CHRM3: variants seen among roughly 807,000 people sequenced by gnomAD.
The protein encoded by CHRM3 is muscarinic acetylcholine receptor M3.
Under a neutral mutation model 41.8 loss-of-function variants are expected in CHRM3, and 11 were observed. The observed-to-expected ratio is 0.26, with a 90% confidence interval of 0.17 to 0.44. The LOEUF is 0.44. Among genes scored for constraint, CHRM3 ranks in the 20% least tolerant of loss-of-function variants. The pLI is 1.00. For missense variants in CHRM3, 571 were observed against 745.4 expected (o/e 0.77, Z 2.72); for synonymous variants, 297 against 301.4 (o/e 0.99, Z 0.15).
chr1:239,761,642 G>A (rs1666784972), intron 5 of CHRM3, among the ~76,000 whole-genome samples: 1 of 152,154 alleles, frequency 6.6e-6, no homozygotes, highest in Admixed American at 6.5e-5. Context: ...ATATGCTTCG[G>A]AGTGCTCGGC....
intron 3 of CHRM3, among the ~76,000 whole-genome samples, chr1:239,606,929 G>C (rs563559634): frequency 6.6e-6 from 1 of 152,186 alleles, no homozygotes; most frequent in South Asian, 2.1e-4. Flanking sequence ...GCCCTGAAAG[G>C]GGGCCTATGT....
intron 2 of CHRM3, among the ~76,000 whole-genome samples, chr1:239,518,676 G>A (rs953373628): frequency 1.3e-5 from 2 of 152,180 alleles, no homozygotes; most frequent in African/African-American, 4.8e-5. Flanking sequence ...TTCAGGTCAT[G>A]ATAGGAAAAT....
intron 3 of CHRM3, among the ~76,000 whole-genome samples, chr1:239,602,090 A>ATGTGTGTG (rs1553337601): frequency 0.013 from 1,646 of 131,164 alleles, 19 homozygotes; most frequent in Admixed American, 0.036. Flanking sequence ...ACATATATAC[A>ATGTGTGTG]TGTGTGTGTG....
chr1:239,469,715 C>T (rs551631789), intron 1 of CHRM3, among the ~76,000 whole-genome samples: 71 of 152,234 alleles, frequency 4.7e-4, no homozygotes, highest in Non-Finnish European at 9.3e-4. Flanking sequence ...CACCATCACG[C>T]CCAGCTAATT....
chr1:239,766,121 A>G (rs755645362), intron 5 of CHRM3, among the ~76,000 whole-genome samples: 1 of 151,978 alleles, frequency 6.6e-6, no homozygotes, highest in Non-Finnish European at 1.5e-5. Context: ...GCCATGCATG[A>G]GTATTTTCTT....
chr1:239,639,161 CT>C (rs1670816448), intron 4 of CHRM3, among the ~76,000 whole-genome samples: 1 of 152,084 alleles, frequency 6.6e-6, no homozygotes, highest in South Asian at 2.1e-4. Context: ...GTTTTGGTTA[CT>C]GTAGCCTTGT....
intron 5 of CHRM3, among the ~76,000 whole-genome samples, chr1:239,779,212 A>C (rs1400983092): frequency 6.6e-6 from 1 of 152,210 alleles, no homozygotes; most frequent in Non-Finnish European, 1.5e-5. Flanking sequence ...GAAAGCACAG[A>C]GAATTCCCAT....
rs1406130610 is a variant in CHRM3 at position 239,914,893 on chromosome 1, C to T, written c.*5669C>T. On this transcript the variant is annotated 3_prime_UTR_variant, in exon 7 of 7. Transcript: ENST00000676153. ...AGCCATTCCTCATCCAGTACATGGG[C>T]ATTTCCAGCCTCCTACATGTAACAC... The T allele has an allele frequency of 6.0e-6, 1 of 167,030 alleles. No individual in the cohort carries two copies. Among genetic ancestry groups the T allele is most frequent in the Non-Finnish European group, 1.5e-5 (1 of 68,126 alleles). 10.3% of individuals were successfully genotyped at this position (167,030 alleles called of 1,614,324 possible).
At chr1:239,637,912 C>A (rs1397073761) in intron 4 of CHRM3, among the ~76,000 whole-genome samples, 20 of 95,426 alleles carry the variant, frequency 2.1e-4, no homozygotes, top group Admixed American at 2.0e-3. Flanking sequence ...TCCCTCCCCC[C>A]TCCCCCCACC....
At chr1:239,548,987 G>T (rs565804859) in intron 3 of CHRM3, among the ~76,000 whole-genome samples, 174 of 152,294 alleles carry the variant, frequency 1.1e-3, no homozygotes, top group African/African-American at 3.9e-3. Context: ...GTTCTATGTG[G>T]CTGGGGAGGC....
At chr1:239,472,497 G>A (rs571708678) in intron 1 of CHRM3, among the ~76,000 whole-genome samples, 21 of 152,238 alleles carry the variant, frequency 1.4e-4, no homozygotes, top group African/African-American at 5.1e-4. Context: ...TTCCGATGTG[G>A]CAAACTTAAC....
intron 3 of CHRM3, among the ~76,000 whole-genome samples, chr1:239,607,347 T>C (rs1666452453): frequency 6.6e-6 from 1 of 152,204 alleles, no homozygotes; most frequent in Non-Finnish European, 1.5e-5. Flanking sequence ...AAAAAAAATG[T>C]TATTCTTTTT....
intron 5 of CHRM3, among the ~76,000 whole-genome samples, chr1:239,805,384 G>T (rs1041068698): frequency 1.1e-4 from 16 of 152,174 alleles, no homozygotes; most frequent in Middle Eastern, 3.2e-3. Flanking sequence ...CCACTGAACA[G>T]ATAAATACCT....
At chr1:239,648,525 T>A (rs1671941708) in intron 4 of CHRM3, among the ~76,000 whole-genome samples, 1 of 152,160 alleles carries the variant, frequency 6.6e-6, no homozygotes, top group Admixed American at 6.5e-5. Flanking sequence ...GAAATGGCTG[T>A]CAGTGGAGGT....
At chr1:239,668,221 C>T (rs1436673548) in intron 4 of CHRM3, among the ~76,000 whole-genome samples, 1 of 150,616 alleles carries the variant, frequency 6.6e-6, no homozygotes, top group Non-Finnish European at 1.5e-5. Context: ...GCCTCAGCCT[C>T]CTGAGTAGCT....
At chr1:239,401,063 G>A (rs965997363) in intron 1 of CHRM3, among the ~76,000 whole-genome samples, 20 of 152,112 alleles carry the variant, frequency 1.3e-4, no homozygotes, top group African/African-American at 4.8e-4. Flanking sequence ...GTCTAGGCTT[G>A]AAAAGAAAAT....
chr1:239,475,901 G>A (rs1451819221), intron 1 of CHRM3, among the ~76,000 whole-genome samples: 2 of 152,030 alleles, frequency 1.3e-5, no homozygotes, highest in African/African-American at 4.8e-5. Context: ...TGGATGGTGT[G>A]GATTTGTAAT....
chr1:239,665,367 A>G (rs572826107), intron 4 of CHRM3, among the ~76,000 whole-genome samples: 153 of 152,018 alleles, frequency 1.0e-3, no homozygotes, highest in African/African-American at 2.9e-3. Flanking sequence ...ATTTGTTGCC[A>G]CTTTGCACCT....
intron 2 of CHRM3, among the ~76,000 whole-genome samples, chr1:239,530,240 T>C (rs1403549113): frequency 4.6e-5 from 7 of 152,156 alleles, no homozygotes. Flanking sequence ...AGTACTTTTC[T>C]TCAAATATAG....
Sources: gnomAD v4.1 joint callset for allele counts (sites outside exome capture counted in the v4.1 genomes callset) on GRCh38, gnomAD v4.1.1 for gene constraint, MANE v1.5 for transcripts, NCBI Gene and HGNC (gene_info 2026-07-23, HGNC 2026-07-21) for gene names.